KCNN2: variants seen among roughly 807,000 people sequenced by gnomAD.
The protein encoded by KCNN2 is potassium calcium-activated channel subfamily N member 2.
In KCNN2, 24 loss-of-function variants were observed where a neutral mutation model predicts 55.5. The ratio of observed to expected loss-of-function variants is 0.43; its 90% CI spans 0.31 to 0.61. The LOEUF is 0.61. Ranked by LOEUF, KCNN2 falls within the 20% of genes least tolerant of loss-of-function variation. The pLI, the probability that KCNN2 is intolerant of heterozygous loss-of-function variation, is 0.08. For synonymous variants in KCNN2, 431 were observed against 336.1 expected (o/e 1.28, Z -3.09); for missense variants, 754 against 853.6 (o/e 0.88, Z 1.45).
At chr5:114,177,546 A>G (rs1052304041) in intron 1 of KCNN2, among the ~76,000 whole-genome samples, 2 of 151,818 alleles carry the variant, frequency 1.3e-5, no homozygotes, top group Non-Finnish European at 2.9e-5. Flanking sequence ...TTGTGAAATT[A>G]TTTCATACAG....
intron 2 of KCNN2, among the ~76,000 whole-genome samples, chr5:114,251,760 T>A (rs1473767236): frequency 6.6e-6 from 1 of 152,092 alleles, no homozygotes; most frequent in Non-Finnish European, 1.5e-5. Flanking sequence ...ATAGTGTAGA[T>A]TCTTTTAATT....
chr5:114,278,609 C>T (rs2150011729), intron 2 of KCNN2, among the ~76,000 whole-genome samples: 1 of 152,336 alleles, frequency 6.6e-6, no homozygotes, highest in South Asian at 2.1e-4. Context: ...CTCCAGCATC[C>T]CAGGTCCATC....
At chr5:114,092,884 C>T (rs1489056205) in intron 1 of KCNN2, among the ~76,000 whole-genome samples, 2 of 152,158 alleles carry the variant, frequency 1.3e-5, no homozygotes, top group Admixed American at 6.5e-5. Context: ...ACTATTTTTT[C>T]TTCCTGGGCC....
upstream of KCNN2, among the ~76,000 whole-genome samples, chr5:114,360,584 A>G (rs1757387833): frequency 6.6e-6 from 1 of 152,226 alleles, no homozygotes; most frequent in South Asian, 2.1e-4. Context: ...TGCAAATGTA[A>G]AGACTTAAGA....
intron 1 of KCNN2, among the ~76,000 whole-genome samples, chr5:114,134,494 T>TA (rs1235365328): frequency 6.7e-6 from 1 of 149,544 alleles, no homozygotes; most frequent in African/African-American, 2.5e-5. Context: ...TTTATTTATT[T>TA]ATTTATTTAT....
chr5:114,448,538 T>C (rs566959638), intron 3 of KCNN2, among the ~76,000 whole-genome samples: 1 of 152,148 alleles, frequency 6.6e-6, no homozygotes, highest in Admixed American at 6.5e-5. Context: ...GTGGGAAAAT[T>C]TAACTGGTAA....
intron 2 of KCNN2, among the ~76,000 whole-genome samples, chr5:114,270,409 T>C (rs7703465): frequency 0.9 from 136,815 of 152,234 alleles, 61,860 homozygotes; most frequent in East Asian, 0.94. Flanking sequence ...AGTAATACTT[T>C]TGAAACCACT....
At chr5:114,361,335 A>C (rs1285814733), upstream of KCNN2, among the ~76,000 whole-genome samples, 1 of 150,340 alleles carries the variant, frequency 6.7e-6, no homozygotes, top group African/African-American at 2.5e-5. Context: ...AGCGCCGCGC[A>C]CCCAATCCAG....
chr5:114,466,896 G>A (rs1337043543), intron 4 of KCNN2, among the ~76,000 whole-genome samples: 1 of 152,044 alleles, frequency 6.6e-6, no homozygotes, highest in African/African-American at 2.4e-5. Flanking sequence ...GTAGTTCTAT[G>A]TAAACAAAAG....
chr5:114,059,270 A>G lies in KCNN2; in HGVS notation c.-271+2770A>G, dbSNP rs78448099. On this transcript the variant is annotated intron_variant, in intron 1 of 10. Transcript: ENST00000512097. ...GCTGTGTACAAAGAAGAGAAAGAGC[A>G]GGGAAGATTCACGTTCAAAGAAATC... Among the ~76,000 whole-genome samples the G allele has an allele frequency of 7.9e-5, 12 of 152,348 alleles. No individual in the cohort carries two copies. In the East Asian group the frequency reaches 2.3e-3, roughly 29 times the overall value.
chr5:114,149,818 A>T (rs900828603), intron 1 of KCNN2, among the ~76,000 whole-genome samples: 5 of 152,206 alleles, frequency 3.3e-5, no homozygotes, highest in African/African-American at 7.2e-5. Flanking sequence ...CAGGACGTGA[A>T]GCTAGACAAC....
chr5:114,330,041 C>T (rs980549847), intron 2 of KCNN2, among the ~76,000 whole-genome samples: 2 of 152,196 alleles, frequency 1.3e-5, no homozygotes, highest in South Asian at 2.1e-4. Flanking sequence ...GAGCCTGGCT[C>T]TCTTAGACAC....
At chr5:114,081,140 G>A (rs561565942) in intron 1 of KCNN2, among the ~76,000 whole-genome samples, 1 of 152,174 alleles carries the variant, frequency 6.6e-6, no homozygotes, top group Admixed American at 6.6e-5. Context: ...AATTATGGTT[G>A]AAGAAATTAG....
chr5:114,450,007 C>T (rs1261977490), intron 3 of KCNN2, among the ~76,000 whole-genome samples: 1 of 152,124 alleles, frequency 6.6e-6, no homozygotes, highest in East Asian at 1.9e-4. Flanking sequence ...ACCTCACAGC[C>T]CTCCTCTAGC....
At chr5:114,337,037 A>T (rs1306155281) in intron 2 of KCNN2, among the ~76,000 whole-genome samples, 1 of 152,178 alleles carries the variant, frequency 6.6e-6, no homozygotes, top group Non-Finnish European at 1.5e-5. Context: ...TTTTAAAAAC[A>T]CCTCATCTTC....
intron 1 of KCNN2, among the ~76,000 whole-genome samples, chr5:114,219,965 G>T (rs1211590729): frequency 2.0e-5 from 3 of 152,124 alleles, no homozygotes; most frequent in African/African-American, 2.4e-5. Flanking sequence ...GTCAAAAATT[G>T]TCTTTGTTGC....
At chr5:114,381,457 G>A (rs1758123400) in intron 2 of KCNN2, among the ~76,000 whole-genome samples, 1 of 152,158 alleles carries the variant, frequency 6.6e-6, no homozygotes, top group Non-Finnish European at 1.5e-5. Context: ...CAATGCAGTG[G>A]TAATTTTAGG....
chr5:114,170,757 C>T (rs1283184172), intron 1 of KCNN2, among the ~76,000 whole-genome samples: 1 of 151,888 alleles, frequency 6.6e-6, no homozygotes, highest in Non-Finnish European at 1.5e-5. Flanking sequence ...AGTCATTTAC[C>T]TATGTTTGTA....
intron 3 of KCNN2, among the ~76,000 whole-genome samples, chr5:114,462,091 A>G (rs959401705): frequency 6.6e-6 from 1 of 152,158 alleles, no homozygotes; most frequent in Non-Finnish European, 1.5e-5. Flanking sequence ...TCTCTGCCCC[A>G]TGACCACACA....
Sources: allele counts gnomAD v4.1 joint callset (sites outside exome capture counted in the v4.1 genomes callset), GRCh38; gene constraint gnomAD v4.1.1; transcripts MANE v1.5; gene names NCBI Gene and HGNC (gene_info 2026-07-23, HGNC 2026-07-21).